The following ZDHHC23 variants were observed in gnomAD, a reference collection of about 807,000 sequenced individuals.
ZDHHC23 encodes the protein palmitoyltransferase ZDHHC23.
ZDHHC23 carries 41 observed loss-of-function variants against 40.2 expected under a neutral mutation model. That is an observed-to-expected ratio of 1.02 (90% CI 0.79 to 1.32). The LOEUF is 1.32. ZDHHC23 is among the 40% of genes most tolerant of loss of function. The pLI is 0.00. For synonymous variants in ZDHHC23, 204 were observed against 210.2 expected, an observed-to-expected ratio of 0.97 and a Z score of 0.26; for missense variants, 471 against 541.5, an observed-to-expected ratio of 0.87 and a Z score of 1.29.
intron 2 of ZDHHC23, among the ~76,000 whole-genome samples, chr3:113,949,778 A>AACTTG (rs1297856715): frequency 6.6e-6 from 1 of 152,224 alleles, no homozygotes; most frequent in African/African-American, 2.4e-5. Context: ...GTTGACTTAG[A>AACTTG]ACTTGATACA....
chr3:113,965,153 G>A, downstream of ZDHHC23: 1 of 1,587,740 alleles, frequency 6.3e-7, no homozygotes, highest in Non-Finnish European at 8.6e-7. Context: ...CACTAATCTG[G>A]CTCATTCGTT....
chr3:113,967,276 C>A (rs1022864851), downstream of ZDHHC23, among the ~76,000 whole-genome samples: 1 of 152,180 alleles, frequency 6.6e-6, no homozygotes, highest in African/African-American at 2.4e-5. Context: ...TGGCTACACT[C>A]CTGTTCTCTG....
At position 113,958,508 on chromosome 3, in the gene ZDHHC23, C is replaced by T. The variant is rs374316090; in HGVS notation, c.1186C>T (p.Arg396Trp). The T allele has an allele frequency of 2.9e-5, 47 of 1,613,796 alleles. No individual in the cohort carries two copies. The highest frequency in any genetic ancestry group is 3.5e-5 in the Non-Finnish European group (41 of 1,180,038). Reference protein sequence around the residue: ...QQALRQKTGRRLLCGLIVDTG... With the variant: ...QQALRQKTGRWLLCGLIVDTG... Reference sequence around the variant, plus strand: ...GGCCCTCCGACAGAAGACTGGGCGCCGGCTCCTCTGCGGGCTCATCGTGGA... The same window carrying T: ...GGCCCTCCGACAGAAGACTGGGCGCTGGCTCCTCTGCGGGCTCATCGTGGA... Residue 396 changes from arginine to tryptophan, a missense_variant, in exon 5 of 5, where the codon CGG (arginine) becomes TGG (tryptophan). Arg to Trp is a moderately radical substitution (Grantham distance 101, BLOSUM62 -3). Coordinates refer to ENST00000638807, the MANE Select transcript of ZDHHC23 (RefSeq NM_001320466.2).
intron 3 of ZDHHC23, among the ~76,000 whole-genome samples, chr3:113,954,724 T>TA (rs964509145): frequency 1.3e-5 from 2 of 152,118 alleles, no homozygotes; most frequent in African/African-American, 4.8e-5. Context: ...AATGATTTTT[T>TA]AAAAAAAGAA....
Position 113,953,979 on chromosome 3 carries a change from C to A in ZDHHC23, c.441C>A (p.Phe147Leu). 2 of 1,614,168 alleles carry A rather than the reference C, an allele frequency of 1.2e-6. No homozygotes were observed. The highest frequency in any genetic ancestry group is 1.7e-5 in the Admixed American group (1 of 60,026). The stretch of plus-strand genomic sequence containing the variant: ...TGTTTTTCCTGAGCCTTGGACTGTT[C>A]TCTCTGGGCTACATGTACTATGTGT... The part of the protein sequence containing the change: ...QTLFFLSLGL[F>L]SLGYMYYVFL... Residue 147 changes from phenylalanine to leucine, a missense_variant, in exon 3 of 5, where the codon TTC becomes TTA. Physicochemically the swap from Phe to Leu is conservative, Grantham distance 22. This residue lies in a region of ZDHHC23 where 346 missense variants were observed against 399.8 expected (regional missense o/e 0.87). Transcript: ENST00000638807.
At chr3:113,963,498 T>G (rs1939836098), downstream of ZDHHC23, 3 of 150,030 alleles carry the variant, frequency 2.0e-5, no homozygotes, top group Admixed American at 2.0e-4. Context: ...TCTCAGCACT[T>G]TGGGAGGCTG....
the ZDHHC23 span, chr3:113,979,018 A>G: frequency 7.8e-5 from 126 of 1,611,260 alleles, no homozygotes; most frequent in Middle Eastern, 4.9e-4. Flanking sequence ...CACCTGGACA[A>G]TTTTTTAAAT....
chr3:113,978,226 A>G, the ZDHHC23 span: 1 of 1,613,960 alleles, frequency 6.2e-7, no homozygotes, highest in Non-Finnish European at 8.5e-7. Flanking sequence ...TTGCCCTGAG[A>G]ATCGATCTTC....
intron 3 of ZDHHC23, among the ~76,000 whole-genome samples, chr3:113,955,705 C>T (rs930630898): frequency 2.0e-5 from 3 of 152,022 alleles, no homozygotes; most frequent in African/African-American, 7.3e-5. Flanking sequence ...TATTTATCTC[C>T]CTTTCCTTAA....
At chr3:113,972,329 T>G in the ZDHHC23 span, among the ~76,000 whole-genome samples, 1 of 152,170 alleles carries the variant, frequency 6.6e-6, no homozygotes, top group African/African-American at 2.4e-5. Context: ...AATTTCTTCA[T>G]TGACCCATTG....
chr3:113,955,385 T>TGC (rs1314395516), intron 3 of ZDHHC23, among the ~76,000 whole-genome samples: 12 of 148,308 alleles, frequency 8.1e-5, no homozygotes, highest in Admixed American at 2.7e-4. Context: ...TGTGTGTGTG[T>TGC]GTGTGTGCGT....
rs138239523 is a variant in ZDHHC23 at position 113,956,463 on chromosome 3, T to C, written c.997T>C (p.Phe333Leu). 15 of 1,614,176 alleles carry C rather than the reference T, an allele frequency of 9.3e-6. No homozygotes were observed. Among genetic ancestry groups the C allele is most frequent in the Non-Finnish European group, 1.3e-5 (15 of 1,180,012 alleles). ...LDTICRDRSV[F>L]TALFYCPGVY... The stretch of plus-strand genomic sequence containing the variant: ...CACCATTTGTAGAGACAGAAGTGTC[T>C]TCACAGCTCTTTTCTATTGTCCTGG... The change falls in exon 4 of 5, where the codon TTC becomes CTC. Residue 333 changes from phenylalanine (F) to leucine (L), a missense_variant. By Grantham distance (22) the Phe-to-Leu change is conservative. Transcript: ENST00000638807.
chr3:113,978,419 G>T, the ZDHHC23 span: 1 of 1,286,508 alleles, frequency 7.8e-7, no homozygotes, highest in Non-Finnish European at 1.1e-6. Flanking sequence ...AGACAGAAAT[G>T]AAACAAAAGA....
rs1939238949 is a variant in ZDHHC23, at chr3:113,956,520, A to T, written c.1040+14A>T. ...TGCAAATTACAGGTGAGCAGTGGGT[A>T]CCACAGTATGGAGGCCCCCTGGGAA... On this transcript the variant is annotated intron_variant, in intron 4 of 4. Coordinates refer to ENST00000638807, the MANE Select transcript of ZDHHC23 (RefSeq NM_001320466.2). 1 of 1,604,872 alleles carries T rather than the reference A, an allele frequency of 6.2e-7. No homozygotes were observed. Among genetic ancestry groups the T allele is most frequent in the African/African-American group, 1.3e-5 (1 of 74,564 alleles).
chr3:113,950,476 A>G (rs1016256395), intron 2 of ZDHHC23, among the ~76,000 whole-genome samples: 1 of 152,052 alleles, frequency 6.6e-6, no homozygotes, highest in African/African-American at 2.4e-5. Context: ...ATAGGGCTCT[A>G]TTATAAGGGC....
At position 113,962,293 on chromosome 3, in the gene ZDHHC23, T is replaced by C. The variant is rs552344802; in HGVS notation, c.*3663T>C. The C allele has an allele frequency of 3.0e-4, 45 of 152,354 alleles. No homozygotes were observed. Among genetic ancestry groups the C allele is most frequent in the African/African-American group, 1.1e-3 (44 of 41,584 alleles). The allele number at this position is 152,354 out of a possible 1,614,324, so 9.4% of individuals were successfully genotyped here. ...TTGCAGAATCAGCTACACTTAATTA[T>C]GTTGCTGATAGACAAGCATCCACGC... On this transcript the variant is annotated 3_prime_UTR_variant, in exon 5 of 5. Transcript: ENST00000638807.
chr3:113,965,432 CT>C, downstream of ZDHHC23: 1 of 782,466 alleles, frequency 1.3e-6, no homozygotes, highest in Non-Finnish European at 2.0e-6. Flanking sequence ...ACATTAAGAA[CT>C]TTATAAAAAT....
intron 1 of ZDHHC23, chr3:113,948,473 C>T (rs1577242129): frequency 7.4e-6 from 2 of 270,944 alleles, no homozygotes; most frequent in South Asian, 1.3e-4. Context: ...GTGAGCGCAA[C>T]CGCCCGCGCC....
At position 113,958,641 on chromosome 3, in the gene ZDHHC23, A is replaced by C. The variant is rs539648383; in HGVS notation, c.*11A>C. The C allele has an allele frequency of 3.1e-6, 5 of 1,594,688 alleles. No individual in the cohort carries two copies. Among genetic ancestry groups the C allele is most frequent in the East Asian group, 4.5e-5 (2 of 44,764 alleles). On this transcript the variant is annotated 3_prime_UTR_variant, in exon 5 of 5. Transcript: ENST00000638807. Reference sequence around the variant, plus strand: ...GAGGACATTGTCTGAAGTGCCTTCTATGTGGCTCTCTGAGGGATGATGGCT... The same window carrying C: ...GAGGACATTGTCTGAAGTGCCTTCTCTGTGGCTCTCTGAGGGATGATGGCT...
Sources: gnomAD v4.1 joint callset for allele counts (sites outside exome capture counted in the v4.1 genomes callset) on GRCh38, gnomAD v4.1.1 for gene constraint, gnomAD v4.1.1 regional missense constraint, MANE v1.5 for transcripts, NCBI Gene and HGNC (gene_info 2026-07-23, HGNC 2026-07-21) for gene names.